The following PTPRD variants were observed in gnomAD, a reference collection of about 807,000 sequenced individuals.
PTPRD encodes protein tyrosine phosphatase receptor type D, also known as receptor-type tyrosine-protein phosphatase delta.
Under a neutral mutation model 214.5 loss-of-function variants are expected in PTPRD, and 34 were observed. The ratio of observed to expected loss-of-function variants is 0.16; its 90% CI spans 0.12 to 0.21. The LOEUF (loss-of-function observed/expected upper bound fraction) is 0.21, where lower values mean the gene tolerates loss of function less well. Ranked by LOEUF, PTPRD falls within the 10% of genes least tolerant of loss-of-function variation. The pLI is 1.00. For synonymous variants in PTPRD, 1,128 were observed against 845.7 expected, an observed-to-expected ratio of 1.33 and a Z score of -5.79; for missense variants, 2,545 against 2,398.7, an observed-to-expected ratio of 1.06 and a Z score of -1.27.
intron 39 of PTPRD, among the ~76,000 whole-genome samples, chr9:8,375,503 A>G (rs943607767): frequency 6.6e-6 from 1 of 152,028 alleles, no homozygotes; most frequent in African/African-American, 2.4e-5. Context: ...TAGTCTCCCT[A>G]AAGCTTGTAT....
At chr9:9,266,631 T>C (rs1158366381) in intron 9 of PTPRD, among the ~76,000 whole-genome samples, 2 of 149,392 alleles carry the variant, frequency 1.3e-5, no homozygotes, top group African/African-American at 4.9e-5. Flanking sequence ...AAGTGGAAAT[T>C]AAGGTGTAAA....
At chr9:10,156,210 C>T (rs956738419) in intron 3 of PTPRD, among the ~76,000 whole-genome samples, 1 of 151,210 alleles carries the variant, frequency 6.6e-6, no homozygotes, top group Non-Finnish European at 1.5e-5. Context: ...TTCTCTAGCT[C>T]TTTTAGTTGT....
At chr9:8,528,507 T>TAAATTA in intron 15 of PTPRD, 84 bp downstream of exon 15, 1 of 1,213,804 alleles carries the variant, frequency 8.2e-7, no homozygotes, top group Non-Finnish European at 1.2e-6. Flanking sequence ...AAATAAAAAA[T>TAAATTA]AAATTAAAAT....
intron 5 of PTPRD, among the ~76,000 whole-genome samples, chr9:9,886,291 C>A (rs1241224828): frequency 6.6e-6 from 1 of 152,088 alleles, no homozygotes; most frequent in African/African-American, 2.4e-5. Context: ...GAATTGGAAT[C>A]TCTCTACTGG....
At chr9:10,519,353 A>G (rs1330038974) in intron 2 of PTPRD, among the ~76,000 whole-genome samples, 1 of 151,652 alleles carries the variant, frequency 6.6e-6, no homozygotes, top group Admixed American at 6.6e-5. Context: ...ACATTTCATT[A>G]AATATATATG....
intron 14 of PTPRD, among the ~76,000 whole-genome samples, chr9:8,583,064 T>C (rs977416158): frequency 3.3e-5 from 5 of 152,226 alleles, no homozygotes; most frequent in African/African-American, 1.2e-4. Flanking sequence ...CCCAACCGTT[T>C]TGGCCAAGAT....
intron 3 of PTPRD, among the ~76,000 whole-genome samples, chr9:10,248,524 A>AAC (rs1564778945): frequency 1.3e-4 from 4 of 31,466 alleles, no homozygotes; most frequent in Non-Finnish European, 4.1e-4. Context: ...AAAAAAAAAA[A>AAC]AATAAAAAAA....
chr9:9,303,111 T>A (rs7852224), intron 9 of PTPRD, among the ~76,000 whole-genome samples: 131,520 of 151,882 alleles, frequency 0.87, 57,273 homozygotes, highest in East Asian at 1. Flanking sequence ...ACCCCCCAAA[T>A]CAATGAGGGA....
intron 34 of PTPRD, among the ~76,000 whole-genome samples, chr9:8,440,478 CTAAT>C (rs2095512048): frequency 6.6e-6 from 1 of 152,060 alleles, no homozygotes; most frequent in African/African-American, 2.4e-5. Flanking sequence ...CCACACCCGG[CTAAT>C]TTTTATATTT....
chr9:9,100,752 G>T (rs1300592453), intron 10 of PTPRD, among the ~76,000 whole-genome samples: 1 of 151,990 alleles, frequency 6.6e-6, no homozygotes, highest in South Asian at 2.1e-4. Flanking sequence ...TCAAAATTAT[G>T]TATTGGAAAT....
At chr9:9,732,810 A>G (rs1052417001) in intron 7 of PTPRD, among the ~76,000 whole-genome samples, 8 of 151,992 alleles carry the variant, frequency 5.3e-5, no homozygotes, top group African/African-American at 1.9e-4. Flanking sequence ...GCAGCCAGGG[A>G]CCGTGGTGTG....
At chr9:9,823,275 A>C (rs909139097) in intron 5 of PTPRD, among the ~76,000 whole-genome samples, 6 of 151,932 alleles carry the variant, frequency 3.9e-5, no homozygotes, top group African/African-American at 1.4e-4. Flanking sequence ...TACAATCATG[A>C]TGGAAGGCAA....
chr9:9,061,142 A>G (rs1275356641), intron 10 of PTPRD, among the ~76,000 whole-genome samples: 1 of 152,176 alleles, frequency 6.6e-6, no homozygotes, highest in Admixed American at 6.5e-5. Flanking sequence ...GGAGACTGTC[A>G]GGGTACCGGC....
At chr9:8,529,126 A>C (rs1356384646) in intron 14 of PTPRD, among the ~76,000 whole-genome samples, 1 of 152,112 alleles carries the variant, frequency 6.6e-6, no homozygotes, top group African/African-American at 2.4e-5. Context: ...TTTAGGAAAG[A>C]ACACAATCGG....
At chr9:8,993,379 G>A (rs1351066673) in intron 11 of PTPRD, among the ~76,000 whole-genome samples, 2 of 152,102 alleles carry the variant, frequency 1.3e-5, no homozygotes, top group East Asian at 1.9e-4. Flanking sequence ...GATGTATACA[G>A]CAAACTATAG....
At chr9:9,691,758 C>T (rs1264544184) in intron 7 of PTPRD, among the ~76,000 whole-genome samples, 1 of 152,056 alleles carries the variant, frequency 6.6e-6, no homozygotes, top group African/African-American at 2.4e-5. Flanking sequence ...TACAAGGCTT[C>T]CCTTTTCTCC....
intron 43 of PTPRD, among the ~76,000 whole-genome samples, chr9:8,338,538 C>T (rs1007960326): frequency 6.6e-6 from 1 of 151,932 alleles, no homozygotes. Flanking sequence ...AAGGGCTTTG[C>T]AAAACAACAA....
chr9:9,310,275 C>T (rs1052130572), intron 9 of PTPRD, among the ~76,000 whole-genome samples: 2 of 152,050 alleles, frequency 1.3e-5, no homozygotes, highest in Admixed American at 1.3e-4. Context: ...ATAGTGGGGG[C>T]AGGTTTCAAG....
At chr9:10,006,253 A>G (rs1310272309) in intron 4 of PTPRD, among the ~76,000 whole-genome samples, 4 of 152,080 alleles carry the variant, frequency 2.6e-5, no homozygotes, top group Non-Finnish European at 4.4e-5. Flanking sequence ...GTTATAGGAT[A>G]ACTCAACTAC....
Sources: allele counts gnomAD v4.1 joint callset (sites outside exome capture counted in the v4.1 genomes callset), GRCh38; gene constraint gnomAD v4.1.1; transcripts MANE v1.5; gene names NCBI Gene and HGNC (gene_info 2026-07-23, HGNC 2026-07-21).